Variants in LINGO2 observed in about 807,000 individuals in gnomAD.
LINGO2 encodes the protein leucine rich repeat and Ig domain containing 2.
In LINGO2, 14 loss-of-function variants were observed where a neutral mutation model predicts 30.6. That is an observed-to-expected ratio of 0.46 (90% CI 0.30 to 0.72). The LOEUF (loss-of-function observed/expected upper bound fraction) is 0.72. Ranked by LOEUF, LINGO2 falls within the 30% of genes least tolerant of loss-of-function variation. The pLI is 0.07. For missense variants in LINGO2, 729 were observed against 751.7 expected (o/e 0.97, Z 0.35); for synonymous variants, 317 against 288.5 (o/e 1.10, Z -1.00).
intron 1 of LINGO2, among the ~76,000 whole-genome samples, chr9:28,604,697 C>G (rs1393764256): frequency 1.3e-5 from 2 of 151,724 alleles, no homozygotes; most frequent in Non-Finnish European, 1.5e-5. Context: ...AGAAAAATGT[C>G]TCTTTGAAAT....
the LINGO2 span, among the ~76,000 whole-genome samples, chr9:29,016,426 G>C: frequency 6.6e-6 from 1 of 152,058 alleles, no homozygotes. Flanking sequence ...ACACTGACCA[G>C]GAACACTAAA....
the LINGO2 span, among the ~76,000 whole-genome samples, chr9:28,831,713 T>C: frequency 6.6e-6 from 1 of 152,152 alleles, no homozygotes; most frequent in African/African-American, 2.4e-5. Flanking sequence ...GATGACTCAA[T>C]ACAGAGAAAA....
chr9:28,740,191 A>T, the LINGO2 span, among the ~76,000 whole-genome samples: 4 of 151,106 alleles, frequency 2.6e-5, no homozygotes, highest in African/African-American at 9.8e-5. Flanking sequence ...TCATTCTGGA[A>T]AATGCTTCAT....
intron 2 of LINGO2, among the ~76,000 whole-genome samples, chr9:28,433,631 T>A (rs1157186821): frequency 1.3e-5 from 2 of 152,062 alleles, no homozygotes; most frequent in Non-Finnish European, 2.9e-5. Flanking sequence ...AAGCATTAGA[T>A]GTTGACATGG....
rs185187535 is a variant in LINGO2, at chr9:28,183,244, A to G, written c.-87+111964T>C. 2.5e-3 allele frequency among the ~76,000 whole-genome samples: 387 copies of G among 151,860 alleles called. 1 individual carries two copies. The highest frequency in any genetic ancestry group is 4.7e-3 in the Admixed American group (71 of 15,232). On this transcript the variant is annotated intron_variant, in intron 4 of 5. Transcript: ENST00000379992. ...CCACATGTTCTCACTCATAAGTGGG[A>G]GTTGAACAATGAGAACACATGGACA...
the LINGO2 span, among the ~76,000 whole-genome samples, chr9:28,747,215 A>G: frequency 6.6e-6 from 1 of 151,946 alleles, no homozygotes; most frequent in African/African-American, 2.4e-5. Context: ...CTGCAGAGAG[A>G]AGAGAAGGAA....
Position 28,158,268 on chromosome 9 carries a change from C to A in LINGO2, c.-87+136940G>T, listed in dbSNP as rs146225864. ...ATCTCATGAGACTTATTCGCTGTCACGAGAACAGCACGGGAAAGGCTTGCC... is the reference window on the plus strand; with the variant it reads ...ATCTCATGAGACTTATTCGCTGTCAAGAGAACAGCACGGGAAAGGCTTGCC... On this transcript the variant is annotated intron_variant, in intron 4 of 5. Transcript: ENST00000379992. Among the ~76,000 whole-genome samples, 370 of 152,212 alleles carry A rather than the reference C, an allele frequency of 2.4e-3. 5 individuals are homozygous for A. Among genetic ancestry groups the A allele is most frequent in the African/African-American group, 8.7e-3 (361 of 41,548 alleles).
At chr9:28,010,340 G>C (rs1822491986) in intron 5 of LINGO2, among the ~76,000 whole-genome samples, 1 of 152,140 alleles carries the variant, frequency 6.6e-6, no homozygotes, top group Non-Finnish European at 1.5e-5. Context: ...GAGTCAGCAT[G>C]ACTCTGCCCT....
At chr9:28,782,944 C>T in the LINGO2 span, among the ~76,000 whole-genome samples, 2 of 152,158 alleles carry the variant, frequency 1.3e-5, no homozygotes, top group Non-Finnish European at 2.9e-5. Context: ...GGTTACAAAC[C>T]TGTACAGGGT....
At chr9:29,043,807 A>G in the LINGO2 span, among the ~76,000 whole-genome samples, 3 of 152,214 alleles carry the variant, frequency 2.0e-5, no homozygotes, top group South Asian at 6.2e-4. Flanking sequence ...CTGAAGTAAT[A>G]TATCACATGA....
intron 4 of LINGO2, among the ~76,000 whole-genome samples, chr9:28,208,747 A>G (rs1027412596): frequency 6.6e-6 from 1 of 151,894 alleles, no homozygotes; most frequent in Non-Finnish European, 1.5e-5. Context: ...TCATTAACCT[A>G]TGTACTCATA....
In LINGO2 at chr9:28,555,524, G is replaced by A. The variant is rs536820710; in HGVS notation, c.-364-79499C>T. On this transcript the variant is annotated intron_variant, in intron 1 of 5. Coordinates refer to ENST00000379992, the Ensembl canonical transcript of LINGO2. Reference sequence around the variant, plus strand: ...TAATCAATAGCTTACCAACCAATAAGAGTCCAGGACCAGATGGATTCACAG... The same window carrying A: ...TAATCAATAGCTTACCAACCAATAAAAGTCCAGGACCAGATGGATTCACAG... Among the ~76,000 whole-genome samples the A allele has an allele frequency of 4.8e-3, 732 of 151,868 alleles. 4 individuals carry two copies. Among genetic ancestry groups the A allele is most frequent in the Non-Finnish European group, 6.5e-3 (445 of 67,946 alleles).
intron 3 of LINGO2, among the ~76,000 whole-genome samples, chr9:28,355,997 C>G (rs1175271007): frequency 6.6e-6 from 1 of 152,128 alleles, no homozygotes; most frequent in African/African-American, 2.4e-5. Flanking sequence ...TACAATGACA[C>G]TTACAGCATT....
chr9:28,062,475 T>C lies in LINGO2; in HGVS notation c.-86-50070A>G, dbSNP rs955941583. Among the ~76,000 whole-genome samples the C allele has an allele frequency of 3.3e-4, 48 of 146,830 alleles. No homozygotes were observed. The Middle Eastern group carries it at 0.011, about 34-fold the overall frequency. ...ATACATATATACTACATATTGTATA[T>C]ATACTATATATACATATATACTATA... is the stretch of plus-strand genomic sequence containing the variant. On this transcript the variant is annotated intron_variant, in intron 4 of 5. Coordinates refer to ENST00000379992, the Ensembl canonical transcript of LINGO2.
the LINGO2 span, among the ~76,000 whole-genome samples, chr9:29,172,950 C>T: frequency 4.4e-3 from 671 of 151,988 alleles, 9 homozygotes; most frequent in African/African-American, 0.015. Flanking sequence ...CATACAATCT[C>T]ATATTTTCTG....
In LINGO2 at chr9:28,622,078, A is replaced by G. The variant is rs1826424394; in HGVS notation, c.-365+48122T>C. ...CATATATGTATGGGGTACATGAGGT[A>G]CTTTGATACAGGCATGAAATGCATA... is the stretch of plus-strand genomic sequence containing the variant. On this transcript the variant is annotated intron_variant, in intron 1 of 5. Transcript: ENST00000379992. Among the ~76,000 whole-genome samples, 2 of 152,090 alleles carry G rather than the reference A, an allele frequency of 1.3e-5. 1 individual carries two copies. The highest frequency in any genetic ancestry group is 4.1e-4 in the South Asian group (2 of 4,830).
chr9:28,808,560 T>TA, the LINGO2 span, among the ~76,000 whole-genome samples: 1 of 152,198 alleles, frequency 6.6e-6, no homozygotes, highest in South Asian at 2.1e-4. Flanking sequence ...TCACTGGACT[T>TA]ACAATTTTAT....
the LINGO2 span, among the ~76,000 whole-genome samples, chr9:28,765,797 A>G: frequency 6.6e-6 from 1 of 152,034 alleles, no homozygotes; most frequent in Non-Finnish European, 1.5e-5. Context: ...CCAGTCTCTG[A>G]TATCTCATAG....
intron 4 of LINGO2, chr9:28,080,752 G>T (rs1011433024): frequency 6.6e-6 from 1 of 152,164 alleles, no homozygotes; most frequent in Non-Finnish European, 1.5e-5. Context: ...TTTGTTGAAT[G>T]ATGGATTCTA....
Sources: allele counts gnomAD v4.1 joint callset (sites outside exome capture counted in the v4.1 genomes callset), GRCh38; gene constraint gnomAD v4.1.1; transcripts MANE v1.5; gene names NCBI Gene and HGNC (gene_info 2026-07-23, HGNC 2026-07-21).